The following DNAH14 variants were observed in gnomAD, a reference collection of about 807,000 sequenced individuals.
DNAH14 encodes the protein dynein axonemal heavy chain 14, also known as axonemal beta dynein heavy chain 14.
In DNAH14, 478 loss-of-function variants were observed where a neutral mutation model predicts 520.9. The observed-to-expected ratio is 0.92, with a 90% confidence interval of 0.85 to 0.99. The LOEUF (loss-of-function observed/expected upper bound fraction) is 0.99. Among genes scored for constraint, DNAH14 ranks in the 50% least tolerant of loss-of-function variants. DNAH14 has a pLI of 0.00. For missense variants in DNAH14, 4,831 were observed against 5,234.5 expected, an observed-to-expected ratio of 0.92 and a Z score of 2.38; for synonymous variants, 1,581 against 1,757.2, an observed-to-expected ratio of 0.90 and a Z score of 2.51.
chr1:224,991,782 T>C (rs2063070923), intron 8 of DNAH14, among the ~76,000 whole-genome samples: 1 of 152,226 alleles, frequency 6.6e-6, no homozygotes, highest in Admixed American at 6.5e-5. Flanking sequence ...CCACATTTTC[T>C]TTATCCAGTC....
chr1:224,958,473 T>C (rs1243958197), intron 3 of DNAH14, among the ~76,000 whole-genome samples: 1 of 151,940 alleles, frequency 6.6e-6, no homozygotes, highest in Non-Finnish European at 1.5e-5. Context: ...AAGTGGGAGT[T>C]TCGGATATTG....
At chr1:224,939,617 G>A (rs1363248791) in intron 1 of DNAH14, among the ~76,000 whole-genome samples, 1 of 152,144 alleles carries the variant, frequency 6.6e-6, no homozygotes, top group Non-Finnish European at 1.5e-5. Context: ...CCGGGAGGTG[G>A]AGCTTGCAGT....
rs982007459 is a variant in DNAH14 at position 225,100,427 on chromosome 1, A to T, written c.3696-286A>T. Among the ~76,000 whole-genome samples, 3 of 152,246 alleles carry T rather than the reference A, an allele frequency of 2.0e-5. No individual in the cohort carries two copies. In the South Asian group the frequency reaches 6.2e-4, roughly 32 times the overall value. ...TTTTATTACATTTCTTAGGACACAG[A>T]TTGTTTCTACTTACCTTATGCAGAA... On this transcript the variant is annotated intron_variant, in intron 22 of 85. Coordinates refer to ENST00000682510, the MANE Select transcript of DNAH14 (RefSeq NM_001367479.1).
At chr1:225,091,579 G>C (rs2074397745) in intron 21 of DNAH14, among the ~76,000 whole-genome samples, 1 of 152,052 alleles carries the variant, frequency 6.6e-6, no homozygotes, top group Non-Finnish European at 1.5e-5. Context: ...GATCCTGAAG[G>C]GAGTGCTAAA....
intron 37 of DNAH14, among the ~76,000 whole-genome samples, chr1:225,190,130 C>G (rs1245260362): frequency 1.3e-5 from 2 of 151,724 alleles, no homozygotes; most frequent in Non-Finnish European, 2.9e-5. Context: ...AGTACTGAAC[C>G]CTATATATAC....
At chr1:225,222,418 GC>G (rs1293144621) in intron 41 of DNAH14, among the ~76,000 whole-genome samples, 8 of 152,152 alleles carry the variant, frequency 5.3e-5, no homozygotes, top group Admixed American at 2.0e-4. Context: ...AAGTGTTACA[GC>G]CCTTAAAGGT....
rs1402297018 is a variant in DNAH14 at position 225,333,514 on chromosome 1, C to T, written c.10080+8C>T. 6.5e-7 allele frequency: 1 copy of T among 1,544,710 alleles called. No homozygotes were observed. Among genetic ancestry groups the T allele is most frequent in the Admixed American group, 2.0e-5 (1 of 50,932 alleles). On this transcript the variant is annotated splice_region_variant and intron_variant, in intron 66 of 85. Coordinates refer to ENST00000682510, the MANE Select transcript of DNAH14 (RefSeq NM_001367479.1). ...ATGGCACAAAAATATGAGGTAATAA[C>T]ATATTTCTATTATCCAGTTAAGTGG...
intron 36 of DNAH14, among the ~76,000 whole-genome samples, 196 bp downstream of exon 36, chr1:225,168,224 G>C (rs561142674): frequency 6.6e-6 from 1 of 152,326 alleles, no homozygotes; most frequent in East Asian, 1.9e-4. Context: ...CCAGTCTACA[G>C]CTCCCAGCGT....
intron 69 of DNAH14, among the ~76,000 whole-genome samples, chr1:225,343,630 T>C (rs1384282437): frequency 6.6e-6 from 1 of 152,236 alleles, no homozygotes; most frequent in African/African-American, 2.4e-5. Context: ...AGAAGCATAT[T>C]TTTTATTATG....
At chr1:225,072,248 T>G (rs1237976979) in intron 17 of DNAH14, among the ~76,000 whole-genome samples, 1 of 152,206 alleles carries the variant, frequency 6.6e-6, no homozygotes, top group Non-Finnish European at 1.5e-5. Context: ...TCTTTAATTC[T>G]CTTTATTCTT....
intron 55 of DNAH14, among the ~76,000 whole-genome samples, chr1:225,294,020 T>C (rs2093952292): frequency 6.6e-6 from 1 of 152,132 alleles, no homozygotes; most frequent in Non-Finnish European, 1.5e-5. Context: ...TTGTTTTAGC[T>C]CTCAGAGGAA....
chr1:225,334,028 T>C (rs938084336), intron 66 of DNAH14, among the ~76,000 whole-genome samples: 1 of 152,224 alleles, frequency 6.6e-6, no homozygotes, highest in African/African-American at 2.4e-5. Context: ...CCATGCAACC[T>C]ACAAAATCTT....
intron 55 of DNAH14, among the ~76,000 whole-genome samples, chr1:225,291,062 T>C (rs955904732): frequency 1.3e-5 from 2 of 152,078 alleles, no homozygotes; most frequent in Non-Finnish European, 2.9e-5. Flanking sequence ...TAGTATCTTC[T>C]GTTCCACTTT....
intron 77 of DNAH14, among the ~76,000 whole-genome samples, chr1:225,370,107 A>T (rs10753403): frequency 1 from 152,224 of 152,258 alleles, 76,095 homozygotes; most frequent in Non-Finnish European, 1. Context: ...CTGACCAACG[A>T]GGAGTAACCC....
chr1:225,039,659 T>C (rs907506191), intron 12 of DNAH14, among the ~76,000 whole-genome samples: 1 of 151,604 alleles, frequency 6.6e-6, no homozygotes, highest in Non-Finnish European at 1.5e-5. Flanking sequence ...ATTTAAACTT[T>C]ATATGTTAAG....
intron 27 of DNAH14, among the ~76,000 whole-genome samples, chr1:225,140,258 C>T (rs1176065928): frequency 6.6e-6 from 1 of 152,156 alleles, no homozygotes; most frequent in Non-Finnish European, 1.5e-5. Context: ...CCTGATGTAT[C>T]CCCCTCTTTT....
At chr1:225,118,579 G>A (rs376714948) in intron 25 of DNAH14, among the ~76,000 whole-genome samples, 2 of 152,086 alleles carry the variant, frequency 1.3e-5, no homozygotes, top group African/African-American at 4.8e-5. Context: ...CAACCCTGCT[G>A]TTTAAAAGAT....
At chr1:225,102,378 T>C (rs2075573446) in intron 23 of DNAH14, among the ~76,000 whole-genome samples, 1 of 152,200 alleles carries the variant, frequency 6.6e-6, no homozygotes, top group South Asian at 2.1e-4. Flanking sequence ...TATCGCAGCA[T>C]GATTTATAAT....
Position 225,303,254 on chromosome 1 carries a change from C to T in DNAH14, c.8730C>T (p.Cys2910=), listed in dbSNP as rs1012463303. The T allele has an allele frequency of 4.5e-6, 7 of 1,551,444 alleles. No individual in the cohort carries two copies. In the African/African-American group the frequency reaches 9.6e-5, roughly 21 times the overall value. ...TGTATCCTTCTATGATTAGCTCCTG[C>T]ACGATCGATTGGTATGAGAGGTGGC... is the stretch of plus-strand genomic sequence containing the variant. ...CRVYPSMISS[C]TIDWYERWPE... Residue 2910 remains cysteine (C), a synonymous_variant, in exon 57 of 86, where the codon TGC becomes TGT. Coordinates refer to ENST00000682510, the MANE Select transcript of DNAH14 (RefSeq NM_001367479.1).
Sources: allele counts gnomAD v4.1 joint callset (sites outside exome capture counted in the v4.1 genomes callset), GRCh38; gene constraint gnomAD v4.1.1; transcripts MANE v1.5; gene names NCBI Gene and HGNC (gene_info 2026-07-23, HGNC 2026-07-21).